YWHAG: variants seen among roughly 807,000 people sequenced by gnomAD.
YWHAG encodes the protein 14-3-3 protein gamma.
In YWHAG, 1 loss-of-function variant was observed where a neutral mutation model predicts 23.3. The observed-to-expected ratio is 0.04, with a 90% confidence interval of 0.02 to 0.20. YWHAG has a LOEUF of 0.20. YWHAG is among the 10% of genes least tolerant of loss of function. The probability of loss-of-function intolerance (pLI) is 1.00; values close to 1 mark genes in which losing one functional copy is unlikely to be tolerated. For synonymous variants in YWHAG, 160 were observed against 144.0 expected (o/e 1.11, Z -0.80); for missense variants, 151 against 338.6 (o/e 0.45, Z 4.35).
intron 1 of YWHAG, among the ~76,000 whole-genome samples, chr7:76,355,173 T>C (rs185495542): frequency 5.8e-4 from 88 of 152,328 alleles, no homozygotes; most frequent in African/African-American, 2.0e-3. Context: ...TGCCACTCAA[T>C]TGCACTTGAA....
Position 76,358,761 on chromosome 7 carries a change from C to T in YWHAG, c.48G>A (p.Gln16=), listed in dbSNP as rs754455988. The T allele has an allele frequency of 1.3e-6, 2 of 1,595,270 alleles. No homozygotes were observed. The highest frequency in any genetic ancestry group is 1.7e-6 in the Non-Finnish European group (2 of 1,172,334). ...QLVQKARLAE[Q]AERYDDMAAA... is the part of the protein sequence containing the mutation. ...CGGCCATGTCGTCGTAGCGCTCCGC[C>T]TGCTCGGCCAGCCGGGCTTTCTGCA... The change falls in exon 1 of 2, where the codon CAG becomes CAA. Residue 16 remains glutamine, a synonymous_variant. Transcript: ENST00000307630.
intron 1 of YWHAG, among the ~76,000 whole-genome samples, chr7:76,341,116 G>T (rs567398280): frequency 4.9e-4 from 75 of 152,336 alleles, no homozygotes; most frequent in African/African-American, 1.7e-3. Flanking sequence ...ACAGGGGCTG[G>T]GAGGGTTGGC....
At chr7:76,332,549 C>T (rs945533660) in intron 1 of YWHAG, among the ~76,000 whole-genome samples, 2 of 152,104 alleles carry the variant, frequency 1.3e-5, no homozygotes, top group Non-Finnish European at 2.9e-5. Context: ...GAGACATGGT[C>T]TTACTCTGTT....
intron 1 of YWHAG, among the ~76,000 whole-genome samples, chr7:76,351,046 T>G (rs1163748640): frequency 6.6e-6 from 1 of 152,108 alleles, no homozygotes; most frequent in African/African-American, 2.4e-5. Flanking sequence ...TGATGTCAAG[T>G]GAAAAAAGCA....
chr7:76,357,719 A>G (rs1243052991), intron 1 of YWHAG, among the ~76,000 whole-genome samples: 1 of 152,082 alleles, frequency 6.6e-6, no homozygotes, highest in Non-Finnish European at 1.5e-5. Flanking sequence ...CTTTAAAATA[A>G]CTCCTCCCAG....
chr7:76,329,489 T>TGCCCCCCC lies in YWHAG; in HGVS notation c.*87_*88insGGGGGGGC. 2 of 1,024,226 alleles carry TGCCCCCCC rather than the reference T, an allele frequency of 2.0e-6. No homozygotes were observed. The highest frequency in any genetic ancestry group is 2.7e-6 in the Non-Finnish European group (2 of 740,080). The allele number at this position is 1,024,226 out of a possible 1,614,324, so 63.4% of individuals were successfully genotyped here. ...TCCCTGGGAAGGTCATCCCTCCCTT[T>TGCCCCCCC]CCCTCCCCCACCCGACCCCCAACTC... On this transcript the variant is annotated 3_prime_UTR_variant, in exon 2 of 2. Transcript: ENST00000307630. This position sits in a 1 kb window ranked among gnomAD's most constrained non-coding sequence, Gnocchi z 6.1.
In YWHAG at chr7:76,328,799, C is replaced by CA. The variant is rs202129187; in HGVS notation, c.*777dup. 0.3 allele frequency: 44,687 copies of CA among 147,736 alleles called. 7,265 individuals are homozygous for CA. Among genetic ancestry groups the CA allele is most frequent in the East Asian group, 0.44 (2,233 of 5,084 alleles). 9.2% of individuals were successfully genotyped at this position (147,736 alleles called of 1,614,324 possible). On this transcript the variant is annotated 3_prime_UTR_variant, in exon 2 of 2. Coordinates refer to ENST00000307630, the MANE Select transcript of YWHAG (RefSeq NM_012479.4). ...ATTTACGTTAAGAGGAAAGAAGGACCAAAAAAAAAAAATCCCACAGCCACC... is the reference window on the plus strand; with the variant it reads ...ATTTACGTTAAGAGGAAAGAAGGACCAAAAAAAAAAAAATCCCACAGCCACC...
chr7:76,334,614 C>T (rs1389949539), intron 1 of YWHAG, among the ~76,000 whole-genome samples: 1 of 151,960 alleles, frequency 6.6e-6, no homozygotes, highest in Non-Finnish European at 1.5e-5. Context: ...CAGGGTCACC[C>T]TATGTTGTCC....
chr7:76,357,597 G>A (rs1218272791), intron 1 of YWHAG, among the ~76,000 whole-genome samples: 1 of 152,074 alleles, frequency 6.6e-6, no homozygotes, highest in Admixed American at 6.6e-5. Context: ...GACAAAATGC[G>A]ACAACTGGCG....
In YWHAG at chr7:76,327,653, A is replaced by G. The variant is rs1803464885; in HGVS notation, c.*1924T>C. 3 of 128,884 alleles carry G rather than the reference A, an allele frequency of 2.3e-5. No individual in the cohort carries two copies. Among genetic ancestry groups the G allele is most frequent in the African/African-American group, 9.6e-5 (3 of 31,220 alleles). The allele number at this position is 128,884 out of a possible 1,614,324, so 8.0% of individuals were successfully genotyped here. On this transcript the variant is annotated 3_prime_UTR_variant, in exon 2 of 2. Transcript: ENST00000307630. Reference sequence around the variant, plus strand: ...CTGGACATGAAGATAAATTAGGGAAAGCCCCACCTACCCTGCCCCCCCCCC... The same window carrying G: ...CTGGACATGAAGATAAATTAGGGAAGGCCCCACCTACCCTGCCCCCCCCCC...
At chr7:76,334,300 T>C (rs921595154) in intron 1 of YWHAG, among the ~76,000 whole-genome samples, 2 of 152,240 alleles carry the variant, frequency 1.3e-5, no homozygotes, top group African/African-American at 2.4e-5. Flanking sequence ...AAGAACAAGT[T>C]ATTCTAATAG....
At position 76,342,367 on chromosome 7, in the gene YWHAG, C is replaced by T. The variant is rs1803710288; in HGVS notation, c.88-12134G>A. On this transcript the variant is annotated intron_variant, in intron 1 of 1. Transcript: ENST00000307630. ...ATCCACACCTTCCTCCCCAAACCAG[C>T]ACTCCCTTCCTTCTTACAAACCCTG... Among the ~76,000 whole-genome samples the T allele has an allele frequency of 2.6e-5, 4 of 152,192 alleles. No individual in the cohort carries two copies. In the South Asian group the frequency reaches 8.3e-4, roughly 32 times the overall value.
Position 76,329,558 on chromosome 7 carries a change from T to C in YWHAG, c.*19A>G, listed in dbSNP as rs1447029875. The C allele has an allele frequency of 1.9e-6, 3 of 1,556,316 alleles. No individual in the cohort carries two copies. Among genetic ancestry groups the C allele is most frequent in the South Asian group, 1.1e-5 (1 of 88,250 alleles). ...CTGCAGTAGTAGCATCCGCGTGCGC[T>C]GCCAGTTCCCCTGGGGCCTTAATTG... is the stretch of plus-strand genomic sequence containing the variant. On this transcript the variant is annotated 3_prime_UTR_variant, in exon 2 of 2. Transcript: ENST00000307630. The surrounding 1 kb of genome is among the most constrained non-coding windows in gnomAD (Gnocchi z 6.1).
At chr7:76,358,094 G>A (rs1803987475) in intron 1 of YWHAG, among the ~76,000 whole-genome samples, 2 of 152,242 alleles carry the variant, frequency 1.3e-5, no homozygotes. Flanking sequence ...GGCGAATGGA[G>A]AAAGAAGAGC....
chr7:76,333,735 C>T lies in YWHAG; in HGVS notation c.88-3502G>A, dbSNP rs112401312. On this transcript the variant is annotated intron_variant, in intron 1 of 1. Transcript: ENST00000307630. The stretch of plus-strand genomic sequence containing the variant: ...TCTCTGGCATACTTTACTGAGTGTG[C>T]GAATGCTGAAGACAAACCGCCCCGC... Among the ~76,000 whole-genome samples the T allele has an allele frequency of 3.1e-3, 469 of 152,362 alleles. 2 individuals are homozygous for T. The highest frequency in any genetic ancestry group is 0.011 in the African/African-American group (449 of 41,592).
chr7:76,357,034 G>C (rs1373412739), intron 1 of YWHAG, among the ~76,000 whole-genome samples: 1 of 151,726 alleles, frequency 6.6e-6, no homozygotes, highest in Non-Finnish European at 1.5e-5. Context: ...TGTGGAACTA[G>C]AAATATGGAA....
At chr7:76,354,933 G>A (rs1180421857) in intron 1 of YWHAG, among the ~76,000 whole-genome samples, 1 of 152,180 alleles carries the variant, frequency 6.6e-6, no homozygotes. Context: ...CAGTACAAAC[G>A]TAGCTAAAGC....
chr7:76,345,351 A>G (rs994559833), intron 1 of YWHAG, among the ~76,000 whole-genome samples: 1 of 151,846 alleles, frequency 6.6e-6, no homozygotes, highest in African/African-American at 2.4e-5. Flanking sequence ...ATGCCCAGCT[A>G]ATTTTTTGTA....
At position 76,329,949 on chromosome 7, in the gene YWHAG, C is replaced by T; in HGVS notation, c.372G>A (p.Leu124=). The T allele has an allele frequency of 6.2e-7, 1 of 1,614,166 alleles. No individual in the cohort carries two copies. The highest frequency in any genetic ancestry group is 8.5e-7 in the Non-Finnish European group (1 of 1,180,044). The change falls in exon 2 of 2, where the codon CTG becomes CTA. Residue 124 remains leucine (L), a synonymous_variant. Transcript: ENST00000307630. This position sits in a 1 kb window ranked among gnomAD's most constrained non-coding sequence, Gnocchi z 6.1. ...ETQYESKVFY[L]KMKGDYYRYL... ...AGCGGTAGTAGTCCCCTTTCATCTT[C>T]AGGTAGAACACTTTGCTCTCGTACT...
Sources: gnomAD v4.1 joint callset for allele counts (sites outside exome capture counted in the v4.1 genomes callset) on GRCh38, gnomAD v4.1.1 for gene constraint, Gnocchi (gnomAD v3.1) non-coding constraint, MANE v1.5 for transcripts, NCBI Gene and HGNC (gene_info 2026-07-23, HGNC 2026-07-21) for gene names.